The following PKD1L1 variants were observed in gnomAD, a reference collection of about 807,000 sequenced individuals.
PKD1L1 encodes the protein polycystin-1-like protein 1.
A neutral mutation model predicts 323.4 loss-of-function variants in PKD1L1; 236 were observed. The observed-to-expected ratio is 0.73, with a 90% CI of 0.66 to 0.81. The LOEUF (loss-of-function observed/expected upper bound fraction) is 0.81. Ranked by LOEUF, PKD1L1 falls within the 40% of genes least tolerant of loss-of-function variation. The pLI, the probability that PKD1L1 is intolerant of heterozygous loss-of-function variation, is 0.00. For missense variants in PKD1L1, 3,320 were observed against 3,508.0 expected, an observed-to-expected ratio of 0.95 and a Z score of 1.35; for synonymous variants, 1,344 against 1,335.0, an observed-to-expected ratio of 1.01 and a Z score of -0.15.
In PKD1L1 at chr7:47,814,033, T is replaced by A. The variant is rs1468441812; in HGVS notation, c.7090-19A>T. 1 of 1,605,856 alleles carries A rather than the reference T, an allele frequency of 6.2e-7. No individual in the cohort carries two copies. Among genetic ancestry groups the A allele is most frequent in the Non-Finnish European group, 8.5e-7 (1 of 1,174,112 alleles). On this transcript the variant is annotated intron_variant, in intron 47 of 56. Transcript: ENST00000289672. The stretch of plus-strand genomic sequence containing the variant: ...CTCCAGGCTGAAAGGAGAAAAAAGA[T>A]GATGAGGACTGGGTGTGCTGTGGAC...
Position 47,834,983 on chromosome 7 carries a change from C to T in PKD1L1, c.6111G>A (p.Gln2037=). 6.2e-7 allele frequency: 1 copy of T among 1,613,802 alleles called. No individual in the cohort carries two copies. Residue 2037 remains glutamine, a synonymous_variant, in exon 39 of 57, where the codon CAG becomes CAA. Coordinates refer to ENST00000289672, the MANE Select transcript of PKD1L1 (RefSeq NM_138295.5). The stretch of plus-strand genomic sequence containing the variant: ...TACATTTACCATGGGGTGCCTCGGT[C>T]TGTGCTCCTCCTCTAAGTGGGCTGT... The part of the protein sequence containing the change: ...EPHSPLRGGA[Q]TEAPHGPNSW...
chr7:47,920,125 T>C (rs1787504799), intron 7 of PKD1L1, among the ~76,000 whole-genome samples: 1 of 152,032 alleles, frequency 6.6e-6, no homozygotes, highest in African/African-American at 2.4e-5. Flanking sequence ...TAAAGACTCA[T>C]CCAAAAAGCT....
intron 46 of PKD1L1, chr7:47,819,436 GC>G (rs1785092357): frequency 1.2e-6 from 1 of 848,010 alleles, no homozygotes; most frequent in South Asian, 1.7e-5. Context: ...ACTAGCAAAA[GC>G]CAGAGGTTTT....
rs184684722 is a variant in PKD1L1 at position 47,872,073 on chromosome 7, A to T, written c.3896+1826T>A. Among the ~76,000 whole-genome samples, 4 of 152,354 alleles carry T rather than the reference A, an allele frequency of 2.6e-5. No homozygotes were observed. The East Asian group carries it at 7.7e-4, about 29-fold the overall frequency. Reference sequence around the variant, plus strand: ...ATTAATACTAACAAACATGTTCAGCAGGGTTATAGGATACAAGATACTCCC... The same window carrying T: ...ATTAATACTAACAAACATGTTCAGCTGGGTTATAGGATACAAGATACTCCC... On this transcript the variant is annotated intron_variant, in intron 24 of 56. Coordinates refer to ENST00000289672, the MANE Select transcript of PKD1L1 (RefSeq NM_138295.5).
upstream of PKD1L1, among the ~76,000 whole-genome samples, chr7:47,953,132 G>C (rs1024331672): frequency 6.6e-6 from 1 of 152,078 alleles, no homozygotes; most frequent in Non-Finnish European, 1.5e-5. Flanking sequence ...TGATCACTTT[G>C]ATTTTTCTGT....
chr7:47,789,059 AT>A (rs1458456229), intron 56 of PKD1L1, among the ~76,000 whole-genome samples: 1 of 152,054 alleles, frequency 6.6e-6, no homozygotes, highest in Non-Finnish European at 1.5e-5. Flanking sequence ...TTTATTTTTA[AT>A]TTGGAATATT....
chr7:47,842,252 A>G (rs1785577409), intron 34 of PKD1L1, among the ~76,000 whole-genome samples: 1 of 152,144 alleles, frequency 6.6e-6, no homozygotes, highest in Non-Finnish European at 1.5e-5. Context: ...AGGACCACAT[A>G]AGCTTTAAAA....
chr7:47,801,837 G>A (rs1259069793), intron 53 of PKD1L1, among the ~76,000 whole-genome samples: 4 of 152,214 alleles, frequency 2.6e-5, no homozygotes, highest in African/African-American at 7.2e-5. Flanking sequence ...TGCACAGTTA[G>A]AATTCTGCTA....
chr7:47,824,050 CA>C (rs1661137070), intron 45 of PKD1L1, among the ~76,000 whole-genome samples: 2 of 152,328 alleles, frequency 1.3e-5, no homozygotes, highest in South Asian at 4.1e-4. Flanking sequence ...ATGACTCTAG[CA>C]GTTATTAATT....
At chr7:47,848,662 G>A (rs186865349) in intron 31 of PKD1L1, among the ~76,000 whole-genome samples, 160 of 152,188 alleles carry the variant, frequency 1.1e-3, no homozygotes, top group Admixed American at 1.7e-3. Flanking sequence ...AAAATTAGCC[G>A]GGTGTGGTGG....
chr7:47,938,573 G>A (rs1335068921), intron 3 of PKD1L1, among the ~76,000 whole-genome samples: 2 of 152,198 alleles, frequency 1.3e-5, no homozygotes, highest in Non-Finnish European at 2.9e-5. Context: ...ACGTCCAGGA[G>A]CTGGTGTATG....
rs1215161194 is a variant in PKD1L1 at position 47,813,202 on chromosome 7, G to A, written c.7265C>T (p.Pro2422Leu). 8.7e-6 allele frequency: 14 copies of A among 1,614,076 alleles called. No individual in the cohort carries two copies. Among genetic ancestry groups the A allele is most frequent in the Non-Finnish European group, 1.2e-5 (14 of 1,180,040 alleles). ...GGPENPYLID[P>L]ENQNVTLNGP... Reference sequence around the variant, plus strand: ...ATTCAGGGTCACGTTTTGGTTCTCTGGGTCTATCAGGTAGGGGTTCTCAGG... The same window carrying A: ...ATTCAGGGTCACGTTTTGGTTCTCTAGGTCTATCAGGTAGGGGTTCTCAGG... Residue 2422 changes from proline (P) to leucine (L), a missense_variant, in exon 49 of 57, where the codon CCA becomes CTA. Physicochemically the swap from Pro to Leu is moderately conservative, Grantham distance 98. Transcript: ENST00000289672.
chr7:47,876,627 A>C (rs753432), intron 22 of PKD1L1, among the ~76,000 whole-genome samples: 55,164 of 151,652 alleles, frequency 0.36, 11,427 homozygotes, highest in African/African-American at 0.57. Context: ...ATGGTCTGGG[A>C]CCTCTGGAGG....
chr7:47,780,608 G>A (rs572944757), intron 56 of PKD1L1, among the ~76,000 whole-genome samples: 5 of 150,738 alleles, frequency 3.3e-5, no homozygotes, highest in African/African-American at 1.2e-4. Flanking sequence ...CTCCAGTCTC[G>A]GCGACAGAAG....
Position 47,808,380 on chromosome 7 carries a change from A to G in PKD1L1, c.7694T>C (p.Val2565Ala), listed in dbSNP as rs1308110721. The G allele has an allele frequency of 6.2e-7, 1 of 1,614,066 alleles. No individual in the cohort carries two copies. Among genetic ancestry groups the G allele is most frequent in the South Asian group, 1.1e-5 (1 of 91,076 alleles). The change falls in exon 52 of 57, where the codon GTG (valine) becomes GCG (alanine). Residue 2565 changes from valine to alanine, a missense_variant. Physicochemically the swap from Val to Ala is moderately conservative, Grantham distance 64. Coordinates refer to ENST00000289672, the MANE Select transcript of PKD1L1 (RefSeq NM_138295.5). ...RKPRNWLELS[V>A]VGVSLTYYAV... Reference sequence around the variant, plus strand: ...ATAGTAGGTGAGGCTCACTCCAACCACGGAGAGCTGGAACATCCAAGAGAA... The same window carrying G: ...ATAGTAGGTGAGGCTCACTCCAACCGCGGAGAGCTGGAACATCCAAGAGAA...
In PKD1L1 at chr7:47,839,777, C is replaced by A; in HGVS notation, c.5553-115G>T. The A allele has an allele frequency of 9.7e-7, 1 of 1,033,646 alleles. No individual in the cohort carries two copies. The highest frequency in any genetic ancestry group is 1.4e-6 in the Non-Finnish European group (1 of 703,798). 64.0% of individuals were successfully genotyped at this position (1,033,646 alleles called of 1,614,324 possible). On this transcript the variant is annotated intron_variant, in intron 35 of 56. Transcript: ENST00000289672. The surrounding 1 kb of genome is among the most constrained non-coding windows in gnomAD (Gnocchi z 4.3). ...GATGGCCCACAGAGGGTGGATGGGA[C>A]ATGTCAAAGGTGACTGACATGCAGA...
chr7:47,778,509 T>C (rs755392051), intron 56 of PKD1L1, among the ~76,000 whole-genome samples: 1 of 152,200 alleles, frequency 6.6e-6, no homozygotes, highest in Non-Finnish European at 1.5e-5. Flanking sequence ...GGAGGTATTA[T>C]AGCCCTCAAA....
At chr7:47,824,331 CT>C (rs1785201557) in intron 45 of PKD1L1, among the ~76,000 whole-genome samples, 1 of 152,200 alleles carries the variant, frequency 6.6e-6, no homozygotes, top group South Asian at 2.1e-4. Flanking sequence ...TCTGTACCTT[CT>C]TTCTCTCATA....
chr7:47,815,164 G>C (rs964233236), intron 47 of PKD1L1, among the ~76,000 whole-genome samples, 170 bp downstream of exon 47: 1 of 152,222 alleles, frequency 6.6e-6, no homozygotes, highest in Non-Finnish European at 1.5e-5. Flanking sequence ...GTTCTGGCAG[G>C]AAAGGAACAG....
Sources: allele counts gnomAD v4.1 joint callset (sites outside exome capture counted in the v4.1 genomes callset), GRCh38; gene constraint gnomAD v4.1.1; non-coding constraint Gnocchi (gnomAD v3.1); transcripts MANE v1.5; gene names NCBI Gene and HGNC (gene_info 2026-07-23, HGNC 2026-07-21).